The following AKAP6 variants were observed in gnomAD, a reference collection of about 807,000 sequenced individuals.
The protein encoded by AKAP6 is A-kinase anchor protein 6.
In AKAP6, 58 loss-of-function variants were observed where a neutral mutation model predicts 188.5. That is an observed-to-expected ratio of 0.31 (90% CI 0.25 to 0.38). AKAP6 has a LOEUF of 0.38. Ranked by LOEUF, AKAP6 falls within the 10% of genes least tolerant of loss-of-function variation. The pLI, the probability that AKAP6 is intolerant of heterozygous loss-of-function variation, is 1.00. For missense variants in AKAP6, 2,710 were observed against 2,740.0 expected, an observed-to-expected ratio of 0.99 and a Z score of 0.24; for synonymous variants, 989 against 998.6, an observed-to-expected ratio of 0.99 and a Z score of 0.18.
intron 2 of AKAP6, among the ~76,000 whole-genome samples, chr14:32,441,760 T>C (rs1890584041): frequency 6.6e-6 from 1 of 152,182 alleles, no homozygotes; most frequent in East Asian, 1.9e-4. Flanking sequence ...GTCTAACAGA[T>C]TGTATAGCTG....
At chr14:32,611,886 G>T (rs1030794909) in intron 7 of AKAP6, among the ~76,000 whole-genome samples, 1 of 152,212 alleles carries the variant, frequency 6.6e-6, no homozygotes, top group Admixed American at 6.5e-5. Flanking sequence ...AGGAAAGGAA[G>T]TGAATCAGTG....
intron 7 of AKAP6, among the ~76,000 whole-genome samples, chr14:32,652,699 C>T (rs1355600527): frequency 1.1e-4 from 17 of 152,208 alleles, no homozygotes; most frequent in Admixed American, 1.1e-3. Context: ...TAGGCTTGCT[C>T]ACCTTTCTCC....
At chr14:32,601,043 T>C (rs951629493) in intron 7 of AKAP6, among the ~76,000 whole-genome samples, 10 of 151,834 alleles carry the variant, frequency 6.6e-5, no homozygotes, top group African/African-American at 2.4e-4. Context: ...ACTTTAAGGG[T>C]GAGAGAAAGG....
intron 1 of AKAP6, among the ~76,000 whole-genome samples, chr14:32,335,523 G>A (rs1886662534): frequency 6.6e-6 from 1 of 152,134 alleles, no homozygotes; most frequent in African/African-American, 2.4e-5. Context: ...CAAGGCCCTT[G>A]TAGATGGTAA....
rs576154051 is a variant in AKAP6, at chr14:32,588,875, G to A, written c.2470-10535G>A. 9.2e-5 allele frequency among the ~76,000 whole-genome samples: 14 copies of A among 152,094 alleles called. No homozygotes were observed. The East Asian group carries it at 1.9e-3, about 21-fold the overall frequency. ...TCATATTTCTGATTAAACAGCTTTC[G>A]TTTGTCTCATAAGAAAAACCAATAT... is the stretch of plus-strand genomic sequence containing the variant. On this transcript the variant is annotated intron_variant, in intron 5 of 13. Transcript: ENST00000280979.
Position 32,423,899 on chromosome 14 carries a change from A to T in AKAP6, c.-34-9561A>T, listed in dbSNP as rs1889942281. 3.3e-5 allele frequency among the ~76,000 whole-genome samples: 5 copies of T among 152,186 alleles called. No homozygotes were observed. In the South Asian group the frequency reaches 1.0e-3, roughly 32 times the overall value. On this transcript the variant is annotated intron_variant, in intron 1 of 13. Coordinates refer to ENST00000280979, the MANE Select transcript of AKAP6 (RefSeq NM_004274.5). ...CTAAGATTGTGAGTAGGGTTAATGGATAACTAAAAATGGAGAATTCTTTTT... is the reference window on the plus strand; with the variant it reads ...CTAAGATTGTGAGTAGGGTTAATGGTTAACTAAAAATGGAGAATTCTTTTT...
chr14:32,576,712 G>A (rs1884734574), intron 4 of AKAP6, among the ~76,000 whole-genome samples: 1 of 152,138 alleles, frequency 6.6e-6, no homozygotes, highest in Non-Finnish European at 1.5e-5. Context: ...TTACAGGAAT[G>A]CCAATCCCTG....
chr14:32,392,149 T>G (rs1333192014), intron 1 of AKAP6, among the ~76,000 whole-genome samples: 1 of 152,200 alleles, frequency 6.6e-6, no homozygotes, highest in African/African-American at 2.4e-5. Context: ...ATTAAGTAAC[T>G]TTGGAAAACA....
rs60142735 is a variant in AKAP6, at chr14:32,619,874, A to G, written c.2730+19082A>G. 0.015 allele frequency among the ~76,000 whole-genome samples: 2,328 copies of G among 152,230 alleles called. 178 individuals carry two copies. In the East Asian group the frequency reaches 0.24, roughly 16 times the overall value. On this transcript the variant is annotated intron_variant, in intron 7 of 13. Transcript: ENST00000280979. ...AGCAGTGTTTTGTAGTTCTCCTTGT[A>G]GAGATTTTTCACCTCCTTGGTTAAG... is the stretch of plus-strand genomic sequence containing the variant.
At chr14:32,446,388 G>A (rs1436376303) in intron 2 of AKAP6, among the ~76,000 whole-genome samples, 3 of 152,100 alleles carry the variant, frequency 2.0e-5, no homozygotes, top group Non-Finnish European at 4.4e-5. Flanking sequence ...GATTAATACA[G>A]AAGATGTCAT....
chr14:32,642,122 T>C (rs750013576), intron 7 of AKAP6, among the ~76,000 whole-genome samples: 5 of 152,210 alleles, frequency 3.3e-5, no homozygotes, highest in Non-Finnish European at 7.3e-5. Flanking sequence ...TATTATTTTA[T>C]TTGCTTTTTC....
At chr14:32,672,116 C>T (rs565217147) in intron 7 of AKAP6, among the ~76,000 whole-genome samples, 13 of 152,108 alleles carry the variant, frequency 8.5e-5, no homozygotes, top group African/African-American at 2.9e-4. Context: ...CACCACATAC[C>T]GAGCCAAATT....
chr14:32,600,651 G>A lies in AKAP6; in HGVS notation c.2589G>A (p.Met863Ile). The A allele has an allele frequency of 1.2e-6, 2 of 1,612,960 alleles. No homozygotes were observed. The highest frequency in any genetic ancestry group is 1.7e-6 in the Non-Finnish European group (2 of 1,179,484). ...HKAGLKDMLR[M>I]IASQWKELQR... ...AAGGACTGAAGGACATGCTGCGGAT[G>A]ATTGCAAGTCAATGGAAGGAGCTGC... Residue 863 changes from methionine to isoleucine, a missense_variant, in exon 7 of 14, where the codon ATG (methionine) becomes ATA (isoleucine). By Grantham distance (10) the Met-to-Ile change is conservative. Coordinates refer to ENST00000280979, the MANE Select transcript of AKAP6 (RefSeq NM_004274.5).
intron 2 of AKAP6, among the ~76,000 whole-genome samples, chr14:32,465,169 G>A (rs748779666): frequency 6.6e-6 from 1 of 152,130 alleles, no homozygotes; most frequent in Non-Finnish European, 1.5e-5. Context: ...ACTGCCCAAA[G>A]TAATTTAAAT....
chr14:32,808,418 G>A (rs1055235511), intron 12 of AKAP6, among the ~76,000 whole-genome samples: 1 of 152,304 alleles, frequency 6.6e-6, no homozygotes, highest in Non-Finnish European at 1.5e-5. Context: ...TCAGTGTTCA[G>A]CTGAAATTAT....
chr14:32,613,131 T>A (rs1197165467), intron 7 of AKAP6, among the ~76,000 whole-genome samples: 1 of 152,246 alleles, frequency 6.6e-6, no homozygotes, highest in African/African-American at 2.4e-5. Flanking sequence ...CTCTTCTTTG[T>A]AAAATGACCT....
At chr14:32,457,169 C>A (rs1891174032) in intron 2 of AKAP6, among the ~76,000 whole-genome samples, 1 of 152,048 alleles carries the variant, frequency 6.6e-6, no homozygotes, top group African/African-American at 2.4e-5. Context: ...TGAACAGGCA[C>A]AATAGACGTT....
At chr14:32,638,172 T>A (rs1034171456) in intron 7 of AKAP6, among the ~76,000 whole-genome samples, 5 of 141,586 alleles carry the variant, frequency 3.5e-5, no homozygotes, top group Admixed American at 2.9e-4. Flanking sequence ...AGTGGGGATG[T>A]CAAGGGGGAA....
chr14:32,778,379 T>A (rs2033132737), intron 12 of AKAP6, among the ~76,000 whole-genome samples: 1 of 152,142 alleles, frequency 6.6e-6, no homozygotes, highest in Non-Finnish European at 1.5e-5. Flanking sequence ...TTATAACATA[T>A]GTAGAAGTCA....
Sources: gnomAD v4.1 joint callset for allele counts (sites outside exome capture counted in the v4.1 genomes callset) on GRCh38, gnomAD v4.1.1 for gene constraint, MANE v1.5 for transcripts, NCBI Gene and HGNC (gene_info 2026-07-23, HGNC 2026-07-21) for gene names.